The following DDX41 variants were observed in gnomAD, a reference collection of about 807,000 sequenced individuals.
The protein encoded by DDX41 is probable ATP-dependent RNA helicase DDX41.
DDX41 carries 50 observed loss-of-function variants against 78.8 expected under a neutral mutation model. The ratio of observed to expected loss-of-function variants is 0.63; its 90% CI spans 0.51 to 0.80. The LOEUF is 0.80. Ranked by LOEUF, DDX41 falls within the 30% of genes least tolerant of loss-of-function variation. The pLI is 0.00. For missense variants in DDX41, 633 were observed against 849.2 expected (o/e 0.75, Z 3.16); for synonymous variants, 381 against 321.5 (o/e 1.19, Z -1.98).
At chr5:177,516,574 C>T (rs1365164692) in intron 2 of DDX41, 127 bp from the exon 3 acceptor site, 11 of 1,399,356 alleles carry the variant, frequency 7.9e-6, no homozygotes, top group Non-Finnish European at 1.1e-5. Flanking sequence ...TCAGATCAAG[C>T]CGTCGGTCCC....
Position 177,512,197 on chromosome 5 carries a change from A to C in DDX41, c.1631T>G (p.Val544Gly). The stretch of plus-strand genomic sequence containing the variant: ...CAGCAGCGCTTTGAGGTCCATCAGC[A>C]CTGACTCATCTGGGGGAGGAGTGGG... ...TFINKACDES[V>G]LMDLKALLLE... Residue 544 changes from valine to glycine, a missense_variant, in exon 16 of 17, where the codon GTG (valine) becomes GGG (glycine). Val to Gly is a moderately radical substitution (Grantham distance 109). This residue lies in a region of DDX41 where 185 missense variants were observed against 367.4 expected (regional missense o/e 0.50). Coordinates refer to ENST00000330503, the MANE Select transcript of DDX41 (RefSeq NM_016222.4). 6.2e-7 allele frequency: 1 copy of C among 1,613,742 alleles called. No individual in the cohort carries two copies. Among genetic ancestry groups the C allele is most frequent in the South Asian group, 1.1e-5 (1 of 91,088 alleles).
rs767811070 is a variant in DDX41, at chr5:177,512,659, G to A, written c.1400-14C>T. 5 of 1,613,798 alleles carry A rather than the reference G, an allele frequency of 3.1e-6. No homozygotes were observed. In the South Asian group the frequency reaches 3.3e-5, roughly 11 times the overall value. ...GTTCCTCCTGGTCTGGGGAGGGTCA[G>A]GCAGACACTGTCAGAGCCACCATGG... On this transcript the variant is annotated splice_polypyrimidine_tract_variant and intron_variant, in intron 13 of 16. Transcript: ENST00000330503.
chr5:177,512,050 T>C lies in DDX41; in HGVS notation c.1732+46A>G, dbSNP rs28464438. 1,606,115 of 1,608,632 alleles carry C rather than the reference T, an allele frequency of 1. 801,848 individuals are homozygous for C. The highest frequency in any genetic ancestry group is 1 in the East Asian group (44,806 of 44,806). The stretch of plus-strand genomic sequence containing the variant: ...CGTTTCTGACTTCCAGCACCCCTCC[T>C]TGCCACCTGCCGGCTGGGGACTCGG... On this transcript the variant is annotated intron_variant, in intron 16 of 16. Coordinates refer to ENST00000330503, the MANE Select transcript of DDX41 (RefSeq NM_016222.4).
Position 177,514,101 on chromosome 5 carries a change from G to A in DDX41, c.936-254C>T. Reference sequence around the variant, plus strand: ...GGTCAGCCTCTCACCCAGAAGCGCTGTCATCAAGCTCCAGAGGCTTTACTC... The same window carrying A: ...GGTCAGCCTCTCACCCAGAAGCGCTATCATCAAGCTCCAGAGGCTTTACTC... On this transcript the variant is annotated intron_variant, in intron 9 of 16. Coordinates refer to ENST00000330503, the MANE Select transcript of DDX41 (RefSeq NM_016222.4). This position sits in a 1 kb window ranked among gnomAD's most constrained non-coding sequence, Gnocchi z 4.2. 1.5e-6 allele frequency: 1 copy of A among 652,864 alleles called. No homozygotes were observed. Among genetic ancestry groups the A allele is most frequent in the South Asian group, 1.5e-5 (1 of 66,330 alleles). 40.4% of individuals were successfully genotyped at this position (652,864 alleles called of 1,614,324 possible).
intron 2 of DDX41, 103 bp downstream of exon 2, chr5:177,516,622 T>C: frequency 7.2e-7 from 1 of 1,396,726 alleles, no homozygotes; most frequent in Non-Finnish European, 9.8e-7. Flanking sequence ...GTACTGAAGC[T>C]CACTCCTCAG....
Position 177,514,181 on chromosome 5 carries a change from T to C in DDX41, c.936-334A>G, listed in dbSNP as rs1344952975. On this transcript the variant is annotated intron_variant, in intron 9 of 16. Coordinates refer to ENST00000330503, the MANE Select transcript of DDX41 (RefSeq NM_016222.4). This position sits in a 1 kb window ranked among gnomAD's most constrained non-coding sequence, Gnocchi z 4.2. ...ACCTTTTCTGTGCTCACCATCTCCC[T>C]AATACTCAGAAGTCCGTGGAGGAAG... The C allele has an allele frequency of 3.8e-6, 2 of 528,474 alleles. No individual in the cohort carries two copies. The highest frequency in any genetic ancestry group is 4.5e-5 in the Admixed American group (2 of 44,526). The allele number at this position is 528,474 out of a possible 1,614,324, so 32.7% of individuals were successfully genotyped here.
rs370058568 is a variant in DDX41, at chr5:177,516,852, G to A, written c.28-17C>T. 12 of 1,613,076 alleles carry A rather than the reference G, an allele frequency of 7.4e-6. No homozygotes were observed. The East Asian group carries it at 2.2e-4, about 30-fold the overall frequency. Reference sequence around the variant, plus strand: ...GCGAGCCCGCTGCAAGCACACGCCAGTCAGGCACGGCCTGCTCCCCTCTTC... The same window carrying A: ...GCGAGCCCGCTGCAAGCACACGCCAATCAGGCACGGCCTGCTCCCCTCTTC... On this transcript the variant is annotated splice_polypyrimidine_tract_variant and intron_variant, in intron 1 of 16. Transcript: ENST00000330503.
In DDX41 at chr5:177,513,471, GTC is replaced by G; in HGVS notation, c.1110_1111del (p.Gln370HisfsTer17). 6.2e-7 allele frequency: 1 copy of G among 1,614,170 alleles called. No individual in the cohort carries two copies. The highest frequency in any genetic ancestry group is 8.5e-7 in the Non-Finnish European group (1 of 1,180,042). On this transcript the variant is annotated frameshift_variant, in exon 11 of 17. Coordinates refer to ENST00000330503, the MANE Select transcript of DDX41 (RefSeq NM_016222.4). LOFTEE classifies it high-confidence loss of function. This position sits in a 1 kb window ranked among gnomAD's most constrained non-coding sequence, Gnocchi z 4.6. Reference sequence around the variant, plus strand: ...CGGCATGGTGGCACTGAAGAGCAGGGTCTGTCGCTGGCCCTGAGGAAGAGGGG... The same window carrying G: ...CGGCATGGTGGCACTGAAGAGCAGGGTGTCGCTGGCCCTGAGGAAGAGGGG...
chr5:177,512,300 G>C, intron 15 of DDX41, 22 bp downstream of exon 15: 1 of 1,614,010 alleles, frequency 6.2e-7, no homozygotes, highest in Non-Finnish European at 8.5e-7. Context: ...AACAGCTAAG[G>C]TGGCGCTGGT....
rs1482666884 is a variant in DDX41 at position 177,513,490 on chromosome 5, G to A, written c.1099-6C>T. The A allele has an allele frequency of 3.1e-6, 5 of 1,614,118 alleles. No homozygotes were observed. The highest frequency in any genetic ancestry group is 2.5e-6 in the Non-Finnish European group (3 of 1,180,028). ...AGCAGGGTCTGTCGCTGGCCCTGAGGAAGAGGGGGGCTGCGACCAAGGGCA... is the reference window on the plus strand; with the variant it reads ...AGCAGGGTCTGTCGCTGGCCCTGAGAAAGAGGGGGGCTGCGACCAAGGGCA... On this transcript the variant is annotated splice_region_variant and splice_polypyrimidine_tract_variant and intron_variant, in intron 10 of 16. Transcript: ENST00000330503. This position sits in a 1 kb window ranked among gnomAD's most constrained non-coding sequence, Gnocchi z 4.6.
Position 177,515,018 on chromosome 5 carries a change from T to G in DDX41, c.696A>C (p.Thr232=), listed in dbSNP as rs747935808. ...IGIAFTGSGK[T]LVFTLPVIMF... is the part of the protein sequence containing the mutation. ...TGATGACGGGCAACGTGAACACCAGTGTCTTGCCTGAACCCGTGAAAGCGA... is the reference window on the plus strand; with the variant it reads ...TGATGACGGGCAACGTGAACACCAGGGTCTTGCCTGAACCCGTGAAAGCGA... The change falls in exon 8 of 17, where the codon ACA becomes ACC. Residue 232 remains threonine (T), a synonymous_variant. Transcript: ENST00000330503. 2.5e-6 allele frequency: 4 copies of G among 1,613,738 alleles called. No homozygotes were observed. The African/African-American group carries it at 5.3e-5, about 22-fold the overall frequency.
chr5:177,512,209 G>C lies in DDX41; in HGVS notation c.1622-3C>G. On this transcript the variant is annotated splice_polypyrimidine_tract_variant and splice_region_variant and intron_variant, in intron 15 of 16. Coordinates refer to ENST00000330503, the MANE Select transcript of DDX41 (RefSeq NM_016222.4). The stretch of plus-strand genomic sequence containing the variant: ...GAGGTCCATCAGCACTGACTCATCT[G>C]GGGGAGGAGTGGGGAAGCATCAGGG... 5 of 1,613,736 alleles carry C rather than the reference G, an allele frequency of 3.1e-6. No homozygotes were observed. Among genetic ancestry groups the C allele is most frequent in the African/African-American group, 1.3e-5 (1 of 75,024 alleles).
chr5:177,511,636 C>A lies in DDX41; in HGVS notation c.*155G>T. On this transcript the variant is annotated 3_prime_UTR_variant, in exon 17 of 17. Transcript: ENST00000330503. Reference sequence around the variant, plus strand: ...GTAAAAGGAAACAAAAACAGTAATTCTGAAGAGCACAGGGAACAGGCAGCC... The same window carrying A: ...GTAAAAGGAAACAAAAACAGTAATTATGAAGAGCACAGGGAACAGGCAGCC... 9.8e-7 allele frequency: 1 copy of A among 1,019,948 alleles called. No homozygotes were observed. The allele number at this position is 1,019,948 out of a possible 1,614,324, so 63.2% of individuals were successfully genotyped here.
At position 177,513,006 on chromosome 5, in the gene DDX41, C is replaced by T. The variant is rs1167673303; in HGVS notation, c.1302+5G>A. 6.2e-7 allele frequency: 1 copy of T among 1,613,788 alleles called. No homozygotes were observed. Among genetic ancestry groups the T allele is most frequent in the African/African-American group, 1.3e-5 (1 of 75,062 alleles). ...CTGGCCCCGGCCTGGCCTGGCTGCA[C>T]TCACAGGCGGGGGTGTCTTCTGCAG... is the stretch of plus-strand genomic sequence containing the variant. On this transcript the variant is annotated splice_donor_5th_base_variant and intron_variant, in intron 12 of 16. Transcript: ENST00000330503. This position sits in a 1 kb window ranked among gnomAD's most constrained non-coding sequence, Gnocchi z 4.6.
At position 177,512,548 on chromosome 5, in the gene DDX41, A is replaced by C. The variant is rs764567759; in HGVS notation, c.1497T>G (p.Pro499=). The C allele has an allele frequency of 6.2e-7, 1 of 1,614,130 alleles. No individual in the cohort carries two copies. The highest frequency in any genetic ancestry group is 8.5e-7 in the Non-Finnish European group (1 of 1,180,016). ...TDVASKGLDF[P]AIQHVINYDM... is the part of the protein sequence containing the mutation. ...CATAATTGATGACGTGCTGGATGGC[A>C]GGGAAGTCCAGGCCCTTGGAGGCAA... The change falls in exon 14 of 17, where the codon CCT becomes CCG. Residue 499 remains proline (P), a synonymous_variant. Transcript: ENST00000330503.
Position 177,515,457 on chromosome 5 carries a change from C to T in DDX41, c.572-199G>A, listed in dbSNP as rs986459910. Reference sequence around the variant, plus strand: ...GGCTAGGTGCAGCCAGGATTTGTACCCAGTGTCTATGCCCAATGGCACTTT... The same window carrying T: ...GGCTAGGTGCAGCCAGGATTTGTACTCAGTGTCTATGCCCAATGGCACTTT... On this transcript the variant is annotated intron_variant, in intron 6 of 16. Coordinates refer to ENST00000330503, the MANE Select transcript of DDX41 (RefSeq NM_016222.4). 4.2e-5 allele frequency: 36 copies of T among 859,686 alleles called. 2 individuals carry two copies. Among genetic ancestry groups the T allele is most frequent in the Non-Finnish European group, 6.4e-5 (34 of 531,584 alleles). The allele number at this position is 859,686 out of a possible 1,614,324, so 53.3% of individuals were successfully genotyped here.
Position 177,516,263 on chromosome 5 carries a change from G to C in DDX41, c.298+25C>G, listed in dbSNP as rs188421584. 4.3e-6 allele frequency: 7 copies of C among 1,613,956 alleles called. No individual in the cohort carries two copies. In the African/African-American group the frequency reaches 6.7e-5, roughly 15 times the overall value. On this transcript the variant is annotated intron_variant, in intron 3 of 16. Transcript: ENST00000330503. ...TACCAGGCTCAGCTTCTTCTTTCTCGCCCAGGCAGTGCTGCCCAGCCCACC... is the reference window on the plus strand; with the variant it reads ...TACCAGGCTCAGCTTCTTCTTTCTCCCCCAGGCAGTGCTGCCCAGCCCACC...
In DDX41 at chr5:177,516,172, T is replaced by C. The variant is rs1338679836; in HGVS notation, c.320A>G (p.Glu107Gly). 1 of 1,613,976 alleles carries C rather than the reference T, an allele frequency of 6.2e-7. No homozygotes were observed. Among genetic ancestry groups the C allele is most frequent in the Non-Finnish European group, 8.5e-7 (1 of 1,180,046 alleles). Residue 107 changes from glutamate to glycine, a missense_variant, in exon 4 of 17, where the codon GAG (glutamate) becomes GGG (glycine). Around this residue, in one of 6 missense-constraint regions of DDX41, gnomAD observed 24 missense variants for 59.8 expected, o/e 0.40. Coordinates refer to ENST00000330503, the MANE Select transcript of DDX41 (RefSeq NM_016222.4). ...KAEARKESAKEKQLKEEEKIL... is the reference protein window; with the variant it reads ...KAEARKESAKGKQLKEEEKIL... Reference sequence around the variant, plus strand: ...CTTCTCTTCTTCCTTCAGCTGCTTCTCCTTGGCAGACTCTTTGCGCGCTGA... The same window carrying C: ...CTTCTCTTCTTCCTTCAGCTGCTTCCCCTTGGCAGACTCTTTGCGCGCTGA...
At position 177,516,316 on chromosome 5, in the gene DDX41, C is replaced by T. The variant is rs866798940; in HGVS notation, c.270G>A (p.Gln90=). ...CAGCCTTCTCTTTAAGGTGCTGGTG[C>T]TGATCCAGGAGGCTGACGTTGGACT... is the stretch of plus-strand genomic sequence containing the variant. ...GPQSNVSLLD[Q]HQHLKEKAEA... Residue 90 remains glutamine, a synonymous_variant, in exon 3 of 17, where the codon CAG becomes CAA. Transcript: ENST00000330503. 6.2e-7 allele frequency: 1 copy of T among 1,614,176 alleles called. No homozygotes were observed.
Sources: allele counts gnomAD v4.1 joint callset, GRCh38; gene constraint gnomAD v4.1.1; regional missense constraint gnomAD v4.1.1; non-coding constraint Gnocchi (gnomAD v3.1); transcripts MANE v1.5; gene names NCBI Gene and HGNC (gene_info 2026-07-23, HGNC 2026-07-21).